Variants in IKZF2 observed in about 807,000 individuals in gnomAD.
IKZF2 encodes the protein IKAROS family zinc finger 2, also known as zinc finger protein Helios.
A neutral mutation model predicts 49.2 loss-of-function variants in IKZF2; 15 were observed. The observed-to-expected ratio is 0.30, with a 90% CI of 0.20 to 0.47. The LOEUF (loss-of-function observed/expected upper bound fraction) is 0.47. Ranked by LOEUF, IKZF2 falls within the 20% of genes least tolerant of loss-of-function variation. The probability of loss-of-function intolerance (pLI) is 1.00; values close to 1 mark genes in which losing one functional copy is unlikely to be tolerated. For synonymous variants in IKZF2, 227 were observed against 221.4 expected, an observed-to-expected ratio of 1.03 and a Z score of -0.23; for missense variants, 567 against 664.6, an observed-to-expected ratio of 0.85 and a Z score of 1.61.
intron 7 of IKZF2, chr2:213,021,449 G>T: frequency 5.3e-6 from 1 of 189,356 alleles, no homozygotes; most frequent in Admixed American, 6.1e-5. Flanking sequence ...ATAAACCTTA[G>T]GGATTGCCTT....
chr2:213,110,603 G>A (rs1309129755), intron 4 of IKZF2, among the ~76,000 whole-genome samples: 1 of 151,684 alleles, frequency 6.6e-6, no homozygotes, highest in East Asian at 1.9e-4. Flanking sequence ...CCCATCTTTT[G>A]ATATGAAAAA....
At chr2:213,082,803 T>G (rs949337338) in intron 4 of IKZF2, among the ~76,000 whole-genome samples, 1 of 152,222 alleles carries the variant, frequency 6.6e-6, no homozygotes, top group African/African-American at 2.4e-5. Flanking sequence ...GACAATTTTT[T>G]TGGATGGGGT....
intron 4 of IKZF2, among the ~76,000 whole-genome samples, chr2:213,095,108 C>T (rs1221004957): frequency 1.3e-5 from 2 of 152,042 alleles, no homozygotes; most frequent in Admixed American, 1.3e-4. Context: ...CTCAAAGTTA[C>T]AGACTTTGGG....
rs1481030136 is a variant in IKZF2, at chr2:213,069,060, A to G, written c.140-11961T>C. 2.0e-5 allele frequency among the ~76,000 whole-genome samples: 3 copies of G among 152,160 alleles called. No homozygotes were observed. In the South Asian group the frequency reaches 6.2e-4, roughly 32 times the overall value. On this transcript the variant is annotated intron_variant, in intron 4 of 8. Transcript: ENST00000434687. ...CTCTTCTGAATTTCTCTTTTTCTCT[A>G]CTTTGTCCCCGTCAGGATGTGAACC... is the stretch of plus-strand genomic sequence containing the variant.
chr2:213,050,067 C>T (rs1700535682), intron 5 of IKZF2, among the ~76,000 whole-genome samples, 187 bp from the exon 6 acceptor site: 1 of 152,112 alleles, frequency 6.6e-6, no homozygotes, highest in Non-Finnish European at 1.5e-5. Flanking sequence ...AGTTTTACAT[C>T]AAATGATCTT....
intron 4 of IKZF2, among the ~76,000 whole-genome samples, chr2:213,065,103 T>G (rs928478138): frequency 6.6e-6 from 1 of 152,076 alleles, no homozygotes; most frequent in Non-Finnish European, 1.5e-5. Flanking sequence ...CAGAAACACA[T>G]TTATACATCT....
intron 8 of IKZF2, among the ~76,000 whole-genome samples, chr2:213,012,853 G>A (rs930187263): frequency 1.3e-5 from 2 of 151,970 alleles, no homozygotes; most frequent in Non-Finnish European, 2.9e-5. Context: ...ACACTAGAAT[G>A]TCAGAATCTG....
At chr2:213,043,607 A>C (rs1282928729) in intron 6 of IKZF2, among the ~76,000 whole-genome samples, 1 of 152,212 alleles carries the variant, frequency 6.6e-6, no homozygotes, top group African/African-American at 2.4e-5. Context: ...CAGTTTTTCC[A>C]CAAATGACAG....
chr2:213,081,870 T>C (rs1037570070), intron 4 of IKZF2, among the ~76,000 whole-genome samples: 2 of 152,090 alleles, frequency 1.3e-5, no homozygotes, highest in Non-Finnish European at 2.9e-5. Flanking sequence ...CCTCCTAATA[T>C]CCTCTGGGGG....
intron 4 of IKZF2, among the ~76,000 whole-genome samples, chr2:213,074,359 A>G (rs1703028796): frequency 6.6e-6 from 1 of 152,174 alleles, no homozygotes; most frequent in Admixed American, 6.5e-5. Flanking sequence ...TTCCTAAGCT[A>G]CAAACCTGCA....
intron 7 of IKZF2, chr2:213,014,512 C>A (rs778674339): frequency 6.6e-6 from 1 of 151,954 alleles, no homozygotes; most frequent in African/African-American, 2.4e-5. Flanking sequence ...TGTCTATGCA[C>A]AGTAAACTGT....
intron 6 of IKZF2, among the ~76,000 whole-genome samples, chr2:213,024,486 T>A (rs572029139): frequency 1.3e-5 from 2 of 152,244 alleles, no homozygotes; most frequent in Admixed American, 6.5e-5. Context: ...TGTGGGCAGT[T>A]GCATGGAGCA....
intron 1 of IKZF2, chr2:213,150,557 C>T (rs905011037): frequency 1.0e-5 from 2 of 191,540 alleles, no homozygotes; most frequent in Non-Finnish European, 2.2e-5. Context: ...TCAGGAATGG[C>T]ACCACGTACT....
At chr2:213,087,942 T>A (rs1267589458) in intron 4 of IKZF2, among the ~76,000 whole-genome samples, 2 of 152,190 alleles carry the variant, frequency 1.3e-5, no homozygotes, top group Admixed American at 6.5e-5. Flanking sequence ...TCTTTGCTAT[T>A]GTGAATAGTG....
intron 4 of IKZF2, among the ~76,000 whole-genome samples, chr2:213,142,395 C>A (rs1408784547): frequency 1.3e-5 from 2 of 151,870 alleles, no homozygotes; most frequent in Non-Finnish European, 2.9e-5. Context: ...GAGCAAAAGA[C>A]CCAGATTTCA....
At chr2:213,091,944 TTTAA>T (rs147838534) in intron 4 of IKZF2, among the ~76,000 whole-genome samples, 3,278 of 151,428 alleles carry the variant, frequency 0.022, 123 homozygotes, top group African/African-American at 0.075. Context: ...ACTATTTTTA[TTTAA>T]TTTATTTACT....
chr2:213,124,235 T>TGCACTCGC lies in IKZF2; in HGVS notation c.139+23472_139+23473insGCGAGTGC, dbSNP rs1491243894. Reference sequence around the variant, plus strand: ...GCATGTCCTTGTGTGCACGCACACATGCGCTCGCGCGCGCGCGCACACACA... The same window carrying TGCACTCGC: ...GCATGTCCTTGTGTGCACGCACACATGCACTCGCGCGCTCGCGCGCGCGCGCACACACA... On this transcript the variant is annotated intron_variant, in intron 4 of 8. Coordinates refer to ENST00000434687, the MANE Select transcript of IKZF2 (RefSeq NM_001387220.1). Among the ~76,000 whole-genome samples, 416 of 114,944 alleles carry TGCACTCGC rather than the reference T, an allele frequency of 3.6e-3. 6 individuals are homozygous for TGCACTCGC. Among genetic ancestry groups the TGCACTCGC allele is most frequent in the East Asian group, 0.021 (59 of 2,864 alleles). The allele number at this position is 114,944 out of a possible 152,430, so 75.4% of individuals were successfully genotyped here. A position where few individuals can be genotyped will look rare whatever the true frequency, so the allele number is the denominator to read the frequency against.
chr2:213,057,686 T>C (rs894250794), intron 4 of IKZF2, among the ~76,000 whole-genome samples: 9 of 152,194 alleles, frequency 5.9e-5, no homozygotes, highest in Admixed American at 5.9e-4. Flanking sequence ...AGTTTCGAGC[T>C]ATATAAATGT....
intron 7 of IKZF2, among the ~76,000 whole-genome samples, chr2:213,015,724 G>A (rs993810149): frequency 6.6e-6 from 1 of 151,746 alleles, no homozygotes. Flanking sequence ...TCCAAGTATG[G>A]ACCAAAGATG....
Sources: gnomAD v4.1 joint callset for allele counts (sites outside exome capture counted in the v4.1 genomes callset) on GRCh38, gnomAD v4.1.1 for gene constraint, MANE v1.5 for transcripts, NCBI Gene and HGNC (gene_info 2026-07-23, HGNC 2026-07-21) for gene names.